DNM2: variants seen among roughly 807,000 people sequenced by gnomAD.
DNM2 encodes the protein dynamin 2, also known as dynamin-2.
A neutral mutation model predicts 99.0 loss-of-function variants in DNM2; 15 were observed. The ratio of observed to expected loss-of-function variants is 0.15; its 90% CI spans 0.10 to 0.23. The LOEUF (loss-of-function observed/expected upper bound fraction) is 0.23. DNM2 is among the 10% of genes least tolerant of loss of function. The pLI is 1.00. For missense variants in DNM2, 742 were observed against 1,189.4 expected, an observed-to-expected ratio of 0.62 and a Z score of 5.53; for synonymous variants, 525 against 481.2, an observed-to-expected ratio of 1.09 and a Z score of -1.19.
At chr19:10,790,233 G>A (rs1452054444) in intron 7 of DNM2, among the ~76,000 whole-genome samples, 10 of 152,210 alleles carry the variant, frequency 6.6e-5, no homozygotes, top group East Asian at 3.9e-4. Flanking sequence ...TTCTGTCTCC[G>A]CCTGGTGCAG....
At chr19:10,776,451 G>T (rs536786689) in intron 4 of DNM2, among the ~76,000 whole-genome samples, 2 of 152,248 alleles carry the variant, frequency 1.3e-5, no homozygotes, top group East Asian at 3.9e-4. Context: ...GGGCACAGCT[G>T]TGGCCCCCTT....
chr19:10,778,237 G>A (rs2051876520), intron 5 of DNM2, among the ~76,000 whole-genome samples: 1 of 151,468 alleles, frequency 6.6e-6, no homozygotes, highest in African/African-American at 2.4e-5. Flanking sequence ...GTTTCACCAT[G>A]TTGGCCAGGC....
chr19:10,775,633 G>A lies in DNM2; in HGVS notation c.386-70G>A. On this transcript the variant is annotated intron_variant, in intron 3 of 20. Coordinates refer to ENST00000389253, the MANE Select transcript of DNM2 (RefSeq NM_001005361.3). This position sits in a 1 kb window ranked among gnomAD's most constrained non-coding sequence, Gnocchi z 4.3. Reference sequence around the variant, plus strand: ...CGCAGGAACTTTGGTAGTCAGCTGGGTGGCTGCGGGCCTGTTTGTGCCTCC... The same window carrying A: ...CGCAGGAACTTTGGTAGTCAGCTGGATGGCTGCGGGCCTGTTTGTGCCTCC... 5.7e-6 allele frequency: 9 copies of A among 1,572,438 alleles called. No individual in the cohort carries two copies. In the East Asian group the frequency reaches 9.0e-5, roughly 16 times the overall value.
chr19:10,802,483 G>A, intron 12 of DNM2, 125 bp downstream of exon 12: 1 of 1,121,702 alleles, frequency 8.9e-7, no homozygotes, highest in Non-Finnish European at 1.3e-6. Context: ...GGGTCCTGGG[G>A]TGAAGGCAGA....
intron 7 of DNM2, among the ~76,000 whole-genome samples, chr19:10,789,205 C>G (rs995772496): frequency 2.1e-4 from 32 of 151,936 alleles, no homozygotes; most frequent in Non-Finnish European, 4.0e-4. Context: ...CTCAAACAAA[C>G]AAAGAAACAA....
chr19:10,776,968 A>T (rs752495500), intron 4 of DNM2, 150 bp from the exon 5 acceptor site: 1 of 735,520 alleles, frequency 1.4e-6, no homozygotes, highest in Non-Finnish European at 2.4e-6. Context: ...ACATGTCGGA[A>T]ACTGGGGTCC....
chr19:10,802,294 C>A lies in DNM2; in HGVS notation c.1429C>A (p.Leu477Met). The A allele has an allele frequency of 1.2e-6, 2 of 1,614,158 alleles. No homozygotes were observed. The highest frequency in any genetic ancestry group is 1.7e-6 in the Non-Finnish European group (2 of 1,180,040). The change falls in exon 12 of 21, where the codon CTG becomes ATG. Residue 477 changes from leucine to methionine, a missense_variant. By Grantham distance (15) the Leu-to-Met change is conservative. This residue lies in a region of DNM2 where 240 missense variants were observed against 431.3 expected (regional missense o/e 0.56). Coordinates refer to ENST00000389253, the MANE Select transcript of DNM2 (RefSeq NM_001005361.3). Reference sequence around the variant, plus strand: ...GACCCCCGCTCTCCCCCAGATTCTTCTGCTGATCGACATTGAGCAGTCCTA... The same window carrying A: ...GACCCCCGCTCTCCCCCAGATTCTTATGCTGATCGACATTGAGCAGTCCTA... ...REGRTKDQIL[L>M]LIDIEQSYIN...
intron 3 of DNM2, among the ~76,000 whole-genome samples, chr19:10,774,719 T>G (rs2071092168): frequency 1.4e-5 from 2 of 146,254 alleles, no homozygotes; most frequent in South Asian, 4.4e-4. Flanking sequence ...GCCACTGCGT[T>G]GGCCTATGCT....
intron 16 of DNM2, among the ~76,000 whole-genome samples, chr19:10,821,910 G>A (rs566802433): frequency 1.3e-5 from 2 of 152,312 alleles, no homozygotes; most frequent in Admixed American, 1.3e-4. Flanking sequence ...GGCAGCAGCA[G>A]GAAGGAGAGG....
At chr19:10,730,410 T>A (rs117056963) in intron 1 of DNM2, among the ~76,000 whole-genome samples, 5,639 of 151,732 alleles carry the variant, frequency 0.037, 141 homozygotes, top group Non-Finnish European at 0.057. Context: ...AGGGTAGCGG[T>A]GGAACTTGCA....
intron 1 of DNM2, among the ~76,000 whole-genome samples, chr19:10,727,658 C>T (rs752025450): frequency 1.3e-5 from 2 of 152,246 alleles, no homozygotes; most frequent in East Asian, 1.9e-4. Context: ...GCAAGAGCCA[C>T]GGCACCCGGC....
chr19:10,822,405 G>A (rs565416286), intron 16 of DNM2, among the ~76,000 whole-genome samples: 57 of 151,810 alleles, frequency 3.8e-4, no homozygotes, highest in African/African-American at 1.4e-3. Flanking sequence ...TGCTCAGGCT[G>A]GTCTCCAACT....
rs752014734 is a variant in DNM2 at position 10,830,243 on chromosome 19, CCTT to C, written c.2411_2413del (p.Phe804del). ...CCTGTTCCCGTGGGGGCAGCAGCCT[CCTT>C]CTCGGCGCCCCCAATCCCATCCCGG... is the stretch of plus-strand genomic sequence containing the variant. On this transcript the variant is annotated inframe_deletion, in exon 20 of 21. Transcript: ENST00000389253. This position sits in a 1 kb window ranked among gnomAD's most constrained non-coding sequence, Gnocchi z 4.8. 99 of 1,613,892 alleles carry C rather than the reference CCTT, an allele frequency of 6.1e-5. No homozygotes were observed. The East Asian group carries it at 1.9e-3, about 32-fold the overall frequency.
At chr19:10,803,583 G>T in intron 12 of DNM2, 1 of 976,326 alleles carries the variant, frequency 1.0e-6, no homozygotes, top group Non-Finnish European at 1.2e-6. Flanking sequence ...AATCTCTCCT[G>T]TTTTTCCTTT....
Position 10,777,161 on chromosome 19 carries a change from C to T in DNM2, c.633C>T (p.Asp211=), listed in dbSNP as rs200191870. 319 of 1,614,046 alleles carry T rather than the reference C, an allele frequency of 2.0e-4. No homozygotes were observed. Among genetic ancestry groups the T allele is most frequent in the Non-Finnish European group, 2.5e-4 (299 of 1,180,056 alleles). ...IGVITKLDLM[D]EGTDARDVLE... ...TCATCACCAAGCTTGACCTGATGGA[C>T]GAGGGCACCGACGCCAGGGACGTCT... Residue 211 remains aspartate (D), a synonymous_variant, in exon 5 of 21, where the codon GAC becomes GAT. Transcript: ENST00000389253.
chr19:10,731,216 C>A (rs888387989), intron 1 of DNM2, among the ~76,000 whole-genome samples: 1 of 152,154 alleles, frequency 6.6e-6, no homozygotes, highest in African/African-American at 2.4e-5. Context: ...CATGAGACTT[C>A]TGTCTTTTGT....
intron 7 of DNM2, among the ~76,000 whole-genome samples, chr19:10,789,088 C>T (rs531018584): frequency 7.9e-5 from 12 of 152,182 alleles, no homozygotes; most frequent in African/African-American, 1.4e-4. Context: ...ATTCTAGCTA[C>T]TTGGGAGGCT....
At chr19:10,782,835 G>A (rs1249148167) in intron 5 of DNM2, 125 bp from the exon 6 acceptor site, 10 of 1,333,450 alleles carry the variant, frequency 7.5e-6, no homozygotes, top group Non-Finnish European at 1.1e-5. Context: ...TGAGTAACAT[G>A]TTATGACAGC....
At chr19:10,720,124 A>G (rs942497565) in intron 1 of DNM2, among the ~76,000 whole-genome samples, 32 of 151,942 alleles carry the variant, frequency 2.1e-4, no homozygotes, top group African/African-American at 7.7e-4. Flanking sequence ...TGTCTCTTTC[A>G]CTTGCCTTGT....
Sources: allele counts gnomAD v4.1 joint callset (sites outside exome capture counted in the v4.1 genomes callset), GRCh38; gene constraint gnomAD v4.1.1; regional missense constraint gnomAD v4.1.1; non-coding constraint Gnocchi (gnomAD v3.1); transcripts MANE v1.5; gene names NCBI Gene and HGNC (gene_info 2026-07-23, HGNC 2026-07-21).